Variants in NAV2 observed in about 807,000 individuals in gnomAD.
NAV2 encodes the protein helicase, APC down-regulated 1.
In NAV2, 54 loss-of-function variants were observed where a neutral mutation model predicts 223.2. That is an observed-to-expected ratio of 0.24 (90% confidence interval 0.19 to 0.30). The LOEUF (loss-of-function observed/expected upper bound fraction) is 0.30. NAV2 is among the 10% of genes least tolerant of loss of function. NAV2 has a pLI of 1.00. For synonymous variants in NAV2, 1,279 were observed against 1,239.3 expected (o/e 1.03, Z -0.67); for missense variants, 2,806 against 3,147.5 (o/e 0.89, Z 2.60).
chr11:19,793,443 T>C (rs2057682460), intron 1 of NAV2, among the ~76,000 whole-genome samples: 1 of 152,212 alleles, frequency 6.6e-6, no homozygotes, highest in Admixed American at 6.5e-5. Flanking sequence ...AGCCAAGTTA[T>C]AATGTATTCA....
At chr11:19,945,973 A>G (rs1452472450) in intron 8 of NAV2, among the ~76,000 whole-genome samples, 1 of 152,244 alleles carries the variant, frequency 6.6e-6, no homozygotes, top group Non-Finnish European at 1.5e-5. Context: ...ACTGCAAGCT[A>G]TGCTTGCACA....
chr11:19,628,600 C>T (rs1169106631), intron 1 of NAV2, among the ~76,000 whole-genome samples: 1 of 152,224 alleles, frequency 6.6e-6, no homozygotes, highest in East Asian at 1.9e-4. Flanking sequence ...ATGTAACTCA[C>T]AGATCCTGAA....
At chr11:19,760,803 G>T (rs899918987) in intron 1 of NAV2, among the ~76,000 whole-genome samples, 1 of 152,068 alleles carries the variant, frequency 6.6e-6, no homozygotes, top group Non-Finnish European at 1.5e-5. Flanking sequence ...GAGCTCTATA[G>T]GGAAAAGTAG....
chr11:19,394,074 A>G (rs948993190), intron 1 of NAV2, among the ~76,000 whole-genome samples: 1 of 152,104 alleles, frequency 6.6e-6, no homozygotes, highest in Admixed American at 6.6e-5. Context: ...TGAGAAGTCA[A>G]AGGAAACATC....
chr11:19,899,544 C>T (rs1336403445), intron 6 of NAV2, among the ~76,000 whole-genome samples: 10 of 152,134 alleles, frequency 6.6e-5, no homozygotes, highest in Non-Finnish European at 1.5e-5. Context: ...ATTTATAGAG[C>T]ACTTACTATC....
intron 1 of NAV2, among the ~76,000 whole-genome samples, chr11:19,622,998 G>T (rs1480031721): frequency 1.3e-5 from 2 of 152,128 alleles, no homozygotes; most frequent in Non-Finnish European, 2.9e-5. Context: ...TGTCTGTAAA[G>T]GATTTTATTT....
At position 19,382,926 on chromosome 11, in the gene NAV2, A is replaced by G. The variant is rs538419901; in HGVS notation, c.75+31899A>G. On this transcript the variant is annotated intron_variant, in intron 1 of 37. Coordinates refer to the NAV2 transcript ENST00000360655. ...TACACTTTGTATATAGACAGCACTC[A>G]ATAACTGTTAGCTGCTATTACTCTT... Among the ~76,000 whole-genome samples, 3 of 152,314 alleles carry G rather than the reference A, an allele frequency of 2.0e-5. No individual in the cohort carries two copies. The South Asian group carries it at 6.2e-4, about 32-fold the overall frequency.
chr11:19,876,322 G>A lies in NAV2; in HGVS notation c.512-3547G>A, dbSNP rs147226902. Among the ~76,000 whole-genome samples the A allele has an allele frequency of 2.4e-4, 36 of 152,090 alleles. No individual in the cohort carries two copies. The East Asian group carries it at 6.2e-3, about 26-fold the overall frequency. On this transcript the variant is annotated intron_variant, in intron 4 of 37. Coordinates refer to ENST00000349880, the MANE Select transcript of NAV2 (RefSeq NM_145117.5). The stretch of plus-strand genomic sequence containing the variant: ...ATTACAGGAGTTTACCACCATGCCC[G>A]GCCTCATTTTCTCATTTAATCTTCA...
At chr11:19,788,868 C>A (rs149433587) in intron 1 of NAV2, among the ~76,000 whole-genome samples, 6 of 152,312 alleles carry the variant, frequency 3.9e-5, no homozygotes, top group South Asian at 4.1e-4. Context: ...TTCACAGAGA[C>A]CTTCCCTGAT....
In NAV2 at chr11:19,538,423, C is replaced by G. The variant is rs550936932; in HGVS notation, c.75+187396C>G. On this transcript the variant is annotated intron_variant, in intron 1 of 37. Transcript: ENST00000360655. ...TGGGGCAGTCATGACTCACTGCAGC[C>G]TGGACCTCGTAGGTTCACGCAATCC... Among the ~76,000 whole-genome samples the G allele has an allele frequency of 4.6e-5, 7 of 152,270 alleles. No individual in the cohort carries two copies. The East Asian group carries it at 1.4e-3, about 29-fold the overall frequency.
intron 26 of NAV2, among the ~76,000 whole-genome samples, chr11:20,087,665 G>A (rs944424216): frequency 6.6e-6 from 1 of 152,180 alleles, no homozygotes; most frequent in African/African-American, 2.4e-5. Flanking sequence ...CACACATAAG[G>A]TGTCTTCAGT....
Position 20,005,537 on chromosome 11 carries a change from C to T in NAV2, c.2768+21290C>T, listed in dbSNP as rs1326852999. On this transcript the variant is annotated intron_variant, in intron 11 of 37. Coordinates refer to ENST00000349880, the MANE Select transcript of NAV2 (RefSeq NM_145117.5). ...CTGGGATTATAGGCTTGAGCCACTG[C>T]ACCCAGCCCAGTCATTCTTTAAAAA... is the stretch of plus-strand genomic sequence containing the variant. Among the ~76,000 whole-genome samples, 4 of 149,088 alleles carry T rather than the reference C, an allele frequency of 2.7e-5. No homozygotes were observed. In the East Asian group the frequency reaches 5.9e-4, roughly 22 times the overall value.
intron 5 of NAV2, among the ~76,000 whole-genome samples, chr11:19,882,766 G>A (rs1305479012): frequency 6.6e-6 from 1 of 152,182 alleles, no homozygotes; most frequent in African/African-American, 2.4e-5. Flanking sequence ...CAGCTACAAA[G>A]TGTCCTGCCA....
At chr11:20,080,894 T>C (rs7119635) in intron 25 of NAV2, among the ~76,000 whole-genome samples, 83,575 of 152,084 alleles carry the variant, frequency 0.55, 23,421 homozygotes, top group South Asian at 0.71. Flanking sequence ...ATTCCACCCC[T>C]CACTCTCCAT....
chr11:19,953,487 C>T (rs1392600753), intron 10 of NAV2, among the ~76,000 whole-genome samples: 1 of 152,242 alleles, frequency 6.6e-6, no homozygotes, highest in Non-Finnish European at 1.5e-5. Flanking sequence ...AGCCCTCCCT[C>T]CTGGGACATG....
chr11:19,451,144 C>T (rs539103764), intron 1 of NAV2, among the ~76,000 whole-genome samples: 10 of 152,234 alleles, frequency 6.6e-5, no homozygotes, highest in East Asian at 1.9e-4. Context: ...AAGAAGCTGA[C>T]GGGACAGAGG....
At chr11:19,896,205 C>A (rs893185870) in intron 6 of NAV2, among the ~76,000 whole-genome samples, 9 of 152,130 alleles carry the variant, frequency 5.9e-5, no homozygotes, top group African/African-American at 2.2e-4. Context: ...ATAAAATTAA[C>A]CCTCTTCACC....
At chr11:19,758,955 G>C (rs1198066138) in intron 1 of NAV2, among the ~76,000 whole-genome samples, 3 of 152,142 alleles carry the variant, frequency 2.0e-5, no homozygotes, top group Non-Finnish European at 4.4e-5. Flanking sequence ...GAACCCTCCT[G>C]TCTACAGAGA....
chr11:20,036,454 C>G (rs1367285785), intron 12 of NAV2, among the ~76,000 whole-genome samples: 1 of 152,220 alleles, frequency 6.6e-6, no homozygotes, highest in African/African-American at 2.4e-5. Context: ...CTCTTATTTG[C>G]CGCAGCAAGC....
Sources: allele counts gnomAD v4.1 joint callset (sites outside exome capture counted in the v4.1 genomes callset), GRCh38; gene constraint gnomAD v4.1.1; transcripts MANE v1.5; gene names NCBI Gene and HGNC (gene_info 2026-07-23, HGNC 2026-07-21).